SRFBP1: variants seen among roughly 807,000 people sequenced by gnomAD.
SRFBP1 encodes the protein serum response factor-binding protein 1.
In SRFBP1, 47 loss-of-function variants were observed where a neutral mutation model predicts 45.5. The observed-to-expected ratio is 1.03, with a 90% CI of 0.82 to 1.32. The LOEUF (loss-of-function observed/expected upper bound fraction) is 1.32, where lower values mean the gene tolerates loss of function less well. SRFBP1 is among the 40% of genes most tolerant of loss of function. SRFBP1 has a pLI of 0.00. For synonymous variants in SRFBP1, 203 were observed against 166.3 expected (o/e 1.22, Z -1.70); for missense variants, 621 against 484.6 (o/e 1.28, Z -2.64).
At chr5:122,000,872 A>T (rs886448012) in intron 4 of SRFBP1, among the ~76,000 whole-genome samples, 1 of 152,152 alleles carries the variant, frequency 6.6e-6, no homozygotes, top group Non-Finnish European at 1.5e-5. Flanking sequence ...TTTATGATAA[A>T]CTATAAGACT....
chr5:122,007,148 C>G (rs933039318), intron 4 of SRFBP1, among the ~76,000 whole-genome samples: 3 of 152,056 alleles, frequency 2.0e-5, no homozygotes, highest in Non-Finnish European at 4.4e-5. Context: ...TTTGGGCATG[C>G]CGGCCTGGTG....
At chr5:121,962,966 C>T (rs1751981036) in intron 1 of SRFBP1, among the ~76,000 whole-genome samples, 1 of 152,168 alleles carries the variant, frequency 6.6e-6, no homozygotes, top group African/African-American at 2.4e-5. Flanking sequence ...ACCTGTGTTA[C>T]AGAACAATGT....
chr5:122,013,311 AC>A (rs1318810381), intron 4 of SRFBP1, among the ~76,000 whole-genome samples: 1 of 152,128 alleles, frequency 6.6e-6, no homozygotes, highest in African/African-American at 2.4e-5. Context: ...TGGGTAGGCA[AC>A]TTTATCAAAA....
intron 3 of SRFBP1, among the ~76,000 whole-genome samples, chr5:121,978,211 A>G: frequency 6.6e-6 from 1 of 152,298 alleles, no homozygotes; most frequent in African/African-American, 2.4e-5. Flanking sequence ...GGTAGATATC[A>G]TTTTTATCCC....
intron 2 of SRFBP1, among the ~76,000 whole-genome samples, chr5:122,068,614 A>C (rs1754366777): frequency 6.6e-6 from 1 of 152,210 alleles, no homozygotes; most frequent in African/African-American, 2.4e-5. Context: ...ATGGGTATAC[A>C]ACAGTGGACA....
At chr5:122,030,761 C>G (rs183717975), downstream of SRFBP1, among the ~76,000 whole-genome samples, 5 of 152,058 alleles carry the variant, frequency 3.3e-5, no homozygotes, top group Admixed American at 3.3e-4. Flanking sequence ...TGCTTTTTTT[C>G]TATTACTCTT....
chr5:122,045,035 A>G (rs1235398692), intron 2 of SRFBP1, among the ~76,000 whole-genome samples: 1 of 152,142 alleles, frequency 6.6e-6, no homozygotes, highest in Non-Finnish European at 1.5e-5. Flanking sequence ...TAATTTTTGT[A>G]TCTGGTGTAA....
Position 122,020,468 on chromosome 5 carries a change from G to A in SRFBP1, c.733G>A (p.Gly245Ser). ...KNKGSDSSLS[G>S]NSDGGEEFCE... ...CAAAGGATCTGATAGCTCACTCTCT[G>A]GTAACAGTGATGGCGGAGAAGAATT... The change falls in exon 6 of 8, where the codon GGT becomes AGT. Residue 245 changes from glycine to serine, a missense_variant. Coordinates refer to ENST00000339397, the MANE Select transcript of SRFBP1 (RefSeq NM_152546.3). 1 of 1,614,060 alleles carries A rather than the reference G, an allele frequency of 6.2e-7. No individual in the cohort carries two copies. Among genetic ancestry groups the A allele is most frequent in the Non-Finnish European group, 8.5e-7 (1 of 1,179,990 alleles).
At chr5:122,008,885 CT>C (rs1254505881) in intron 4 of SRFBP1, among the ~76,000 whole-genome samples, 4 of 152,140 alleles carry the variant, frequency 2.6e-5, no homozygotes, top group Non-Finnish European at 5.9e-5. Flanking sequence ...TTCCTTTCAC[CT>C]TTATTTTCTT....
intron 2 of SRFBP1, among the ~76,000 whole-genome samples, chr5:122,061,628 A>G (rs190119231): frequency 6.6e-4 from 101 of 152,194 alleles, no homozygotes; most frequent in African/African-American, 2.2e-3. Context: ...ATGAACCATG[A>G]AGAAAATGAT....
intron 2 of SRFBP1, among the ~76,000 whole-genome samples, chr5:122,036,310 G>A (rs1469391633): frequency 6.6e-6 from 1 of 152,052 alleles, no homozygotes; most frequent in Non-Finnish European, 1.5e-5. Context: ...AATCATACAG[G>A]TGATTTATAT....
At chr5:121,977,846 T>G (rs1752334621) in intron 3 of SRFBP1, among the ~76,000 whole-genome samples, 2 of 152,174 alleles carry the variant, frequency 1.3e-5, no homozygotes, top group African/African-American at 2.4e-5. Flanking sequence ...ATTGGCTTGA[T>G]CTTTACACTA....
intron 4 of SRFBP1, among the ~76,000 whole-genome samples, chr5:121,998,923 G>A (rs1018790989): frequency 3.3e-5 from 5 of 151,950 alleles, no homozygotes; most frequent in Non-Finnish European, 7.4e-5. Context: ...TTTATAATTT[G>A]TACCCATGTT....
At chr5:121,979,247 T>C (rs1352507181) in intron 3 of SRFBP1, among the ~76,000 whole-genome samples, 1 of 152,214 alleles carries the variant, frequency 6.6e-6, no homozygotes, top group Non-Finnish European at 1.5e-5. Flanking sequence ...TTCTAGGCTG[T>C]GTATACCCCT....
At chr5:122,029,321 G>C (rs1456625555), downstream of SRFBP1, among the ~76,000 whole-genome samples, 1 of 152,146 alleles carries the variant, frequency 6.6e-6, no homozygotes, top group African/African-American at 2.4e-5. Context: ...ACCTGATACT[G>C]TGTCTATCAG....
At chr5:122,003,641 C>G (rs1474910498) in intron 4 of SRFBP1, among the ~76,000 whole-genome samples, 2 of 152,060 alleles carry the variant, frequency 1.3e-5, no homozygotes, top group Admixed American at 6.5e-5. Flanking sequence ...CCATACTATT[C>G]CTCATAATGG....
intron 4 of SRFBP1, among the ~76,000 whole-genome samples, chr5:121,995,891 G>A (rs1157725249): frequency 1.4e-4 from 21 of 152,208 alleles, no homozygotes; most frequent in South Asian, 4.2e-4. Flanking sequence ...ACACCTCTAC[G>A]CAAATAAATT....
In SRFBP1 at chr5:121,981,982, G is replaced by C. The variant is rs1316122198; in HGVS notation, c.198+6595G>C. On this transcript the variant is annotated intron_variant, in intron 3 of 7. Transcript: ENST00000339397. The stretch of plus-strand genomic sequence containing the variant: ...CTACTGCAATTTTTTTTTTTTACAT[G>C]TTGGCACGTTTACAGTGTTGAGGTT... 2.0e-5 allele frequency among the ~76,000 whole-genome samples: 3 copies of C among 151,096 alleles called. No homozygotes were observed. The East Asian group carries it at 5.8e-4, about 29-fold the overall frequency.
chr5:122,013,037 C>T (rs1753125517), intron 4 of SRFBP1, among the ~76,000 whole-genome samples: 1 of 152,022 alleles, frequency 6.6e-6, no homozygotes, highest in African/African-American at 2.4e-5. Context: ...TTTCTCATTT[C>T]TGTAATAAAG....
Sources: allele counts gnomAD v4.1 joint callset (sites outside exome capture counted in the v4.1 genomes callset), GRCh38; gene constraint gnomAD v4.1.1; transcripts MANE v1.5; gene names NCBI Gene and HGNC (gene_info 2026-07-23, HGNC 2026-07-21).